The following ASIC2 variants were observed in gnomAD, a reference collection of about 807,000 sequenced individuals.
ASIC2 encodes the protein acid-sensing ion channel 2.
In ASIC2, 25 loss-of-function variants were observed where a neutral mutation model predicts 57.3. The ratio of observed to expected loss-of-function variants is 0.44; its 90% CI spans 0.32 to 0.61. The LOEUF (loss-of-function observed/expected upper bound fraction) is 0.61, where lower values mean the gene tolerates loss of function less well. Ranked by LOEUF, ASIC2 falls within the 20% of genes least tolerant of loss-of-function variation. The pLI is 0.06. For missense variants in ASIC2, 641 were observed against 738.1 expected (o/e 0.87, Z 1.52); for synonymous variants, 319 against 307.5 (o/e 1.04, Z -0.39).
At chr17:33,888,646 G>A (rs1223119363) in intron 1 of ASIC2, among the ~76,000 whole-genome samples, 3 of 152,108 alleles carry the variant, frequency 2.0e-5, no homozygotes, top group Non-Finnish European at 1.5e-5. Flanking sequence ...GGGGCCAAAG[G>A]AGTGAGTCAT....
At chr17:34,019,309 A>G (rs1278260733) in intron 1 of ASIC2, among the ~76,000 whole-genome samples, 3 of 152,234 alleles carry the variant, frequency 2.0e-5, no homozygotes, top group African/African-American at 7.2e-5. Flanking sequence ...GAGTAGCAGC[A>G]TGGTTTGAGA....
chr17:33,926,274 A>T (rs1915819964), intron 1 of ASIC2, among the ~76,000 whole-genome samples: 1 of 152,232 alleles, frequency 6.6e-6, no homozygotes, highest in African/African-American at 2.4e-5. Context: ...TCCTCACAAA[A>T]ACCTTGCGGA....
At chr17:34,103,840 C>T (rs1188126065) in intron 1 of ASIC2, among the ~76,000 whole-genome samples, 2 of 152,164 alleles carry the variant, frequency 1.3e-5, no homozygotes, top group East Asian at 3.8e-4. Context: ...CAATATCTAA[C>T]TGTCTTAATT....
At chr17:33,184,111 C>A (rs1906093732) in intron 1 of ASIC2, among the ~76,000 whole-genome samples, 1 of 152,142 alleles carries the variant, frequency 6.6e-6, no homozygotes, top group South Asian at 2.1e-4. Context: ...ACAACCCAAC[C>A]CCTTTACTTT....
intron 1 of ASIC2, among the ~76,000 whole-genome samples, chr17:33,483,281 G>C (rs1173592720): frequency 6.6e-6 from 1 of 152,218 alleles, no homozygotes; most frequent in African/African-American, 2.4e-5. Flanking sequence ...GTTTTCCATT[G>C]CTCCTTTGAT....
At chr17:34,020,291 C>T (rs1256610462) in intron 1 of ASIC2, among the ~76,000 whole-genome samples, 7 of 152,118 alleles carry the variant, frequency 4.6e-5, no homozygotes, top group Non-Finnish European at 7.4e-5. Flanking sequence ...GGCTCCACTC[C>T]GCCTGGCAGC....
intron 1 of ASIC2, among the ~76,000 whole-genome samples, chr17:33,313,684 T>G (rs777039069): frequency 1.3e-5 from 2 of 152,176 alleles, no homozygotes; most frequent in Non-Finnish European, 2.9e-5. Context: ...AAGAAATCCC[T>G]TCTCTGGAAA....
intron 1 of ASIC2, among the ~76,000 whole-genome samples, chr17:33,322,482 T>C (rs1373865826): frequency 6.6e-6 from 1 of 152,156 alleles, no homozygotes; most frequent in African/African-American, 2.4e-5. Flanking sequence ...GTGTGCCCAA[T>C]TAATCCACCG....
chr17:33,816,485 G>T (rs1372133574), intron 1 of ASIC2, among the ~76,000 whole-genome samples: 1 of 152,190 alleles, frequency 6.6e-6, no homozygotes, highest in East Asian at 1.9e-4. Flanking sequence ...GAAGCTTAGA[G>T]AGACTGAATA....
chr17:33,166,871 T>C (rs1168430262), intron 1 of ASIC2, among the ~76,000 whole-genome samples: 1 of 152,268 alleles, frequency 6.6e-6, no homozygotes, highest in Non-Finnish European at 1.5e-5. Context: ...ATGATTTGTT[T>C]GTTTCCACTG....
chr17:33,508,908 C>A lies in ASIC2; in HGVS notation c.556-396841G>T, dbSNP rs528945249. ...CTCTTACTTCTGAGGAGTTTTGGAC[C>A]TGAATGGAGTTCAGTTGACAAACTG... is the stretch of plus-strand genomic sequence containing the variant. On this transcript the variant is annotated intron_variant, in intron 1 of 9. Transcript: ENST00000359872. Among the ~76,000 whole-genome samples, 493 of 152,242 alleles carry A rather than the reference C, an allele frequency of 3.2e-3. 3 individuals carry two copies. Among genetic ancestry groups the A allele is most frequent in the African/African-American group, 0.011 (464 of 41,536 alleles).
chr17:33,590,192 C>G (rs1370642655), intron 1 of ASIC2, among the ~76,000 whole-genome samples: 3 of 152,148 alleles, frequency 2.0e-5, no homozygotes, highest in Non-Finnish European at 1.5e-5. Context: ...CTACTTCCAC[C>G]CCACCAAGGA....
Position 33,102,884 on chromosome 17 carries a change from C to G in ASIC2, c.859+9033G>C, listed in dbSNP as rs778787252. ...CTGCAAGCTCCGCCTTCCAGGTTCA[C>G]GCCATTCTCCTGCCTCAGCCTCCCG... On this transcript the variant is annotated intron_variant, in intron 2 of 9. Coordinates refer to ENST00000225823, the MANE Select transcript of ASIC2 (RefSeq NM_183377.2). Among the ~76,000 whole-genome samples, 7 of 152,232 alleles carry G rather than the reference C, an allele frequency of 4.6e-5. No individual in the cohort carries two copies. The East Asian group carries it at 1.2e-3, about 25-fold the overall frequency.
intron 1 of ASIC2, among the ~76,000 whole-genome samples, chr17:33,738,715 G>A (rs531840169): frequency 1.4e-3 from 213 of 152,234 alleles, no homozygotes; most frequent in Non-Finnish European, 2.6e-3. Flanking sequence ...GGACGTATAG[G>A]CAGATCCAAC....
At chr17:33,893,126 C>T (rs2637349) in intron 1 of ASIC2, among the ~76,000 whole-genome samples, 37,446 of 152,152 alleles carry the variant, frequency 0.25, 4,778 homozygotes, top group Middle Eastern at 0.36. Flanking sequence ...GCCAGGCACA[C>T]ATTAACTGGC....
At position 33,712,635 on chromosome 17, in the gene ASIC2, GCTTTTTTT is replaced by G. The variant is rs1386170695; in HGVS notation, c.555+443335_555+443342del. On this transcript the variant is annotated intron_variant, in intron 1 of 9. Transcript: ENST00000359872. ...CTTTGCTTCCAAGCTTACTCATATG[GCTTTTTTT>G]TTTTTTTTTTTTTTTTTTTTGAGAC... Among the ~76,000 whole-genome samples, 385 of 123,318 alleles carry G rather than the reference GCTTTTTTT, an allele frequency of 3.1e-3. 14 individuals are homozygous for G. The highest frequency in any genetic ancestry group is 0.012 in the African/African-American group (375 of 30,912). 80.9% of individuals were successfully genotyped at this position (123,318 alleles called of 152,430 possible).
At chr17:33,316,832 T>C (rs1239879251) in intron 1 of ASIC2, among the ~76,000 whole-genome samples, 1 of 152,210 alleles carries the variant, frequency 6.6e-6, no homozygotes, top group Non-Finnish European at 1.5e-5. Flanking sequence ...CTGGGTAACA[T>C]TTGGGCAAGA....
chr17:33,491,693 T>C (rs1407611264), intron 1 of ASIC2, among the ~76,000 whole-genome samples: 3 of 152,162 alleles, frequency 2.0e-5, no homozygotes, highest in African/African-American at 7.2e-5. Flanking sequence ...AACGATCTCA[T>C]CCCTCTTAGT....
intron 1 of ASIC2, among the ~76,000 whole-genome samples, chr17:33,504,448 C>T (rs1213564954): frequency 2.0e-5 from 3 of 152,198 alleles, no homozygotes; most frequent in African/African-American, 4.8e-5. Context: ...AAGAGATTCT[C>T]GTGCCTCAGC....
Sources: allele counts gnomAD v4.1 joint callset (sites outside exome capture counted in the v4.1 genomes callset), GRCh38; gene constraint gnomAD v4.1.1; transcripts MANE v1.5; gene names NCBI Gene and HGNC (gene_info 2026-07-23, HGNC 2026-07-21).